The following STIM2 variants were observed in gnomAD, a reference collection of about 807,000 sequenced individuals.
STIM2 encodes the protein stromal interaction molecule 2.
In STIM2, 31 loss-of-function variants were observed where a neutral mutation model predicts 85.8. The ratio of observed to expected loss-of-function variants is 0.36; its 90% CI spans 0.27 to 0.49. The LOEUF (loss-of-function observed/expected upper bound fraction) is 0.49. Ranked by LOEUF, STIM2 falls within the 20% of genes least tolerant of loss-of-function variation. The pLI is 0.98. For synonymous variants in STIM2, 356 were observed against 331.1 expected (o/e 1.08, Z -0.82); for missense variants, 841 against 927.6 (o/e 0.91, Z 1.21).
chr4:26,986,058 G>A (rs762856865), intron 3 of STIM2, among the ~76,000 whole-genome samples: 7 of 152,154 alleles, frequency 4.6e-5, no homozygotes, highest in African/African-American at 1.2e-4. Flanking sequence ...CTCAGTGGGC[G>A]TAGTTCTAAA....
intron 10 of STIM2, among the ~76,000 whole-genome samples, chr4:27,014,906 T>A (rs527886546): frequency 6.6e-6 from 1 of 152,108 alleles, no homozygotes; most frequent in South Asian, 2.1e-4. Context: ...CCTTTTATAG[T>A]TATGTGGACA....
At chr4:26,934,602 G>A (rs1398188517) in intron 2 of STIM2, among the ~76,000 whole-genome samples, 2 of 152,152 alleles carry the variant, frequency 1.3e-5, no homozygotes, top group African/African-American at 2.4e-5. Flanking sequence ...TGTGATACCT[G>A]TAAGAAGTGG....
At chr4:26,905,742 T>G (rs7697626) in intron 1 of STIM2, among the ~76,000 whole-genome samples, 1 of 152,058 alleles carries the variant, frequency 6.6e-6, no homozygotes, top group African/African-American at 2.4e-5. Context: ...TCAGTAAATA[T>G]TTACTGAGTG....
intron 1 of STIM2, among the ~76,000 whole-genome samples, chr4:26,878,051 G>T (rs1397432384): frequency 6.6e-6 from 1 of 152,188 alleles, no homozygotes; most frequent in Admixed American, 6.5e-5. Flanking sequence ...TAAATGGATT[G>T]CTGTGCCTTA....
intron 7 of STIM2, among the ~76,000 whole-genome samples, chr4:27,004,814 G>A (rs1728277030): frequency 6.6e-6 from 1 of 152,166 alleles, no homozygotes; most frequent in Non-Finnish European, 1.5e-5. Flanking sequence ...AACACTGTCT[G>A]GCATGATCGT....
Position 26,888,901 on chromosome 4 carries a change from C to T in STIM2, c.151+27532C>T, listed in dbSNP as rs146573689. 5.9e-5 allele frequency among the ~76,000 whole-genome samples: 9 copies of T among 152,316 alleles called. No individual in the cohort carries two copies. In the East Asian group the frequency reaches 1.7e-3, roughly 29 times the overall value. On this transcript the variant is annotated intron_variant, in intron 1 of 11. Coordinates refer to ENST00000467087, the MANE Select transcript of STIM2 (RefSeq NM_020860.4). ...TGAATTTCTTCTTAGTAACCAGCAA[C>T]CCTGGTCAGTACACTAACCCTGGGT...
intron 1 of STIM2, chr4:26,874,321 GC>G (rs1171813093): frequency 3.9e-5 from 13 of 333,106 alleles, no homozygotes; most frequent in Admixed American, 3.6e-4. Context: ...GCGCACAGAG[GC>G]CCCTACACCC....
In STIM2 at chr4:26,955,720, C is replaced by T. The variant is rs1349037590; in HGVS notation, c.283-1892C>T. ...TTAGTACTTTTCAAACTTTTGATGA[C>T]GAAAGACCAGATGTTTAATTTCCAG... is the stretch of plus-strand genomic sequence containing the variant. On this transcript the variant is annotated intron_variant, in intron 2 of 11. Transcript: ENST00000467087. Among the ~76,000 whole-genome samples the T allele has an allele frequency of 2.9e-5, 4 of 136,882 alleles. 1 individual carries two copies. The highest frequency in any genetic ancestry group is 6.9e-5 in the Admixed American group (1 of 14,526). 89.8% of individuals were successfully genotyped at this position (136,882 alleles called of 152,430 possible).
intron 2 of STIM2, among the ~76,000 whole-genome samples, chr4:26,951,899 A>G (rs1726067834): frequency 6.6e-6 from 1 of 152,152 alleles, no homozygotes; most frequent in Non-Finnish European, 1.5e-5. Context: ...AGGTATGCAG[A>G]GTTCTGGCAT....
At chr4:26,967,094 A>T (rs1231390934) in intron 3 of STIM2, among the ~76,000 whole-genome samples, 1 of 152,224 alleles carries the variant, frequency 6.6e-6, no homozygotes, top group Non-Finnish European at 1.5e-5. Context: ...TTAAGAATCT[A>T]TATCAGTCTG....
At chr4:26,934,868 G>A (rs1242418397) in intron 2 of STIM2, among the ~76,000 whole-genome samples, 2 of 143,678 alleles carry the variant, frequency 1.4e-5, no homozygotes, top group African/African-American at 5.2e-5. Context: ...AGCCGAGATC[G>A]CGCCATTGAA....
chr4:27,017,426 G>A (rs1393150903), intron 10 of STIM2, among the ~76,000 whole-genome samples: 1 of 152,100 alleles, frequency 6.6e-6, no homozygotes, highest in African/African-American at 2.4e-5. Flanking sequence ...GTTGTCTTAG[G>A]TAAATTTTTA....
intron 11 of STIM2, among the ~76,000 whole-genome samples, chr4:27,018,215 A>T (rs559975273): frequency 6.6e-6 from 1 of 152,132 alleles, no homozygotes; most frequent in East Asian, 1.9e-4. Context: ...GGCTAAAATC[A>T]TGGTGTTGGC....
chr4:26,906,076 T>G (rs1724112752), intron 1 of STIM2, among the ~76,000 whole-genome samples: 3 of 152,262 alleles, frequency 2.0e-5, no homozygotes, highest in African/African-American at 7.2e-5. Context: ...AATTAAGATA[T>G]TATAGAATAC....
chr4:26,988,238 A>G (rs1465471919), intron 3 of STIM2, among the ~76,000 whole-genome samples: 1 of 152,220 alleles, frequency 6.6e-6, no homozygotes, highest in Non-Finnish European at 1.5e-5. Context: ...GAACATGGAC[A>G]ATTACGTTAT....
chr4:27,011,498 G>A (rs1486865207), intron 10 of STIM2, among the ~76,000 whole-genome samples: 1 of 152,062 alleles, frequency 6.6e-6, no homozygotes, highest in Non-Finnish European at 1.5e-5. Flanking sequence ...ACCTAGAAAC[G>A]GACTGCTGGG....
chr4:26,957,058 AT>A (rs776461009), intron 2 of STIM2, among the ~76,000 whole-genome samples: 1 of 152,136 alleles, frequency 6.6e-6, no homozygotes, highest in Non-Finnish European at 1.5e-5. Context: ...GGATACCAAA[AT>A]TCATGGATAC....
At chr4:26,882,825 G>T (rs1285053881) in intron 1 of STIM2, among the ~76,000 whole-genome samples, 2 of 147,850 alleles carry the variant, frequency 1.4e-5, no homozygotes, top group Non-Finnish European at 3.0e-5. Flanking sequence ...GTCTTTTCTT[G>T]TTTCCTTTTC....
At chr4:27,018,036 G>C in intron 11 of STIM2, 52 bp downstream of exon 11, 1 of 1,595,836 alleles carries the variant, frequency 6.3e-7, no homozygotes, top group Non-Finnish European at 8.6e-7. Context: ...TTGGGGGTAA[G>C]GTGTGAGGAG....
Sources: allele counts gnomAD v4.1 joint callset (sites outside exome capture counted in the v4.1 genomes callset), GRCh38; gene constraint gnomAD v4.1.1; transcripts MANE v1.5; gene names NCBI Gene and HGNC (gene_info 2026-07-23, HGNC 2026-07-21).